The following PLXND1 variants were observed in gnomAD, a reference collection of about 807,000 sequenced individuals.
The protein encoded by PLXND1 is plexin-D1.
PLXND1 carries 54 observed loss-of-function variants against 197.7 expected under a neutral mutation model. That is an observed-to-expected ratio of 0.27 (90% CI 0.22 to 0.34). PLXND1 has a LOEUF of 0.34. PLXND1 is among the 10% of genes least tolerant of loss of function. The probability of loss-of-function intolerance (pLI) is 1.00; values close to 1 mark genes in which losing one functional copy is unlikely to be tolerated. For synonymous variants in PLXND1, 1,180 were observed against 1,161.2 expected (o/e 1.02, Z -0.33); for missense variants, 2,127 against 2,699.2 (o/e 0.79, Z 4.70).
intron 19 of PLXND1, 191 bp downstream of exon 19, chr3:129,570,595 G>A: frequency 1.6e-6 from 1 of 621,954 alleles, no homozygotes; most frequent in South Asian, 1.9e-5. Flanking sequence ...CTGACCTCAA[G>A]CAAGTCACTA....
chr3:129,575,380 G>C, intron 11 of PLXND1, 89 bp downstream of exon 11: 1 of 789,306 alleles, frequency 1.3e-6, no homozygotes, highest in Non-Finnish European at 2.2e-6. Context: ...TGCGGCTTTG[G>C]GGCAACCACT....
rs533940233 is a variant in PLXND1 at position 129,596,553 on chromosome 3, C to A, written c.1312-7026G>T. Among the ~76,000 whole-genome samples the A allele has an allele frequency of 5.3e-5, 8 of 152,296 alleles. No homozygotes were observed. In the South Asian group the frequency reaches 6.2e-4, roughly 12 times the overall value. ...GCCCAGGGAAAAGGCTTCCCTCCCC[C>A]CAGCAGGAGGGGCAGAGCACGAAGC... On this transcript the variant is annotated intron_variant, in intron 1 of 35. Coordinates refer to ENST00000324093, the MANE Select transcript of PLXND1 (RefSeq NM_015103.3).
At chr3:129,604,927 C>A (rs1196627525) in intron 1 of PLXND1, among the ~76,000 whole-genome samples, 1 of 152,252 alleles carries the variant, frequency 6.6e-6, no homozygotes, top group African/African-American at 2.4e-5. Context: ...GTAACTCTGA[C>A]AGGCTCACGC....
chr3:129,594,192 A>G (rs570115043), intron 1 of PLXND1, among the ~76,000 whole-genome samples: 16 of 152,218 alleles, frequency 1.1e-4, no homozygotes, highest in South Asian at 2.1e-4. Context: ...GAGGCTTTGC[A>G]CTTGAGAAGT....
chr3:129,594,435 A>C (rs191595505), intron 1 of PLXND1, among the ~76,000 whole-genome samples: 1 of 152,230 alleles, frequency 6.6e-6, no homozygotes, highest in Non-Finnish European at 1.5e-5. Flanking sequence ...AGTGAGCTAT[A>C]ATTTCACCAC....
rs2285357 is a variant in PLXND1 at position 129,557,029 on chromosome 3, C to A, written c.5586+54G>T. 5 of 1,592,384 alleles carry A rather than the reference C, an allele frequency of 3.1e-6. No homozygotes were observed. In the African/African-American group the frequency reaches 4.0e-5, roughly 13 times the overall value. On this transcript the variant is annotated intron_variant, in intron 34 of 35. Transcript: ENST00000324093. This position sits in a 1 kb window ranked among gnomAD's most constrained non-coding sequence, Gnocchi z 4.8. ...GGAGGCATTGAGGCCCAGCCCCCGA[C>A]CCCCGATCCCTCAGCTCTTCAGGCC... is the stretch of plus-strand genomic sequence containing the variant.
In PLXND1 at chr3:129,565,522, G is replaced by A; in HGVS notation, c.4339C>T (p.Leu1447=). 6.2e-7 allele frequency: 1 copy of A among 1,613,416 alleles called. No individual in the cohort carries two copies. Among genetic ancestry groups the A allele is most frequent in the Non-Finnish European group, 8.5e-7 (1 of 1,179,754 alleles). Residue 1447 remains leucine (L), a synonymous_variant, in exon 25 of 36, where the codon CTG becomes TTG. Coordinates refer to ENST00000324093, the MANE Select transcript of PLXND1 (RefSeq NM_015103.3). ...AVRDRCSLAS[L]LTIALHGKLE... is the part of the protein sequence containing the mutation. ...TTGCCGTGCAGCGCGATGGTCAGCAGCGAGGCCAGGCTGCACCTGTGAGCG... is the reference window on the plus strand; with the variant it reads ...TTGCCGTGCAGCGCGATGGTCAGCAACGAGGCCAGGCTGCACCTGTGAGCG...
At chr3:129,573,183 G>A (rs909583190) in intron 13 of PLXND1, among the ~76,000 whole-genome samples, 1 of 152,084 alleles carries the variant, frequency 6.6e-6, no homozygotes, top group Non-Finnish European at 1.5e-5. Flanking sequence ...CCTGATGCAC[G>A]GCCTCCCAAA....
At chr3:129,599,361 G>A (rs1444454984) in intron 1 of PLXND1, among the ~76,000 whole-genome samples, 1 of 152,234 alleles carries the variant, frequency 6.6e-6, no homozygotes, top group Non-Finnish European at 1.5e-5. Context: ...CTCCAAGAAC[G>A]GATGGGACTT....
chr3:129,583,696 C>T lies in PLXND1; in HGVS notation c.2139-27G>A, dbSNP rs755220136. 1.3e-5 allele frequency: 20 copies of T among 1,484,542 alleles called. No homozygotes were observed. In the Admixed American group the frequency reaches 3.5e-4, roughly 26 times the overall value. 92.0% of individuals were successfully genotyped at this position (1,484,542 alleles called of 1,614,324 possible). A position where few individuals can be genotyped will look rare whatever the true frequency, so the allele number is the denominator to read the frequency against. On this transcript the variant is annotated intron_variant, in intron 7 of 35. Transcript: ENST00000324093. ...TGGAAGACAAGGAGGCCCCTCAACT[C>T]CTGGTTCCCCACCCCTCAACTCATC...
chr3:129,582,030 G>C (rs1383379924), intron 8 of PLXND1, among the ~76,000 whole-genome samples: 1 of 152,250 alleles, frequency 6.6e-6, no homozygotes, highest in Non-Finnish European at 1.5e-5. Context: ...TGGAATCTGG[G>C]GGTCCAGGAG....
At chr3:129,568,528 G>A (rs1010619415) in intron 20 of PLXND1, among the ~76,000 whole-genome samples, 1 of 152,066 alleles carries the variant, frequency 6.6e-6, no homozygotes, top group Admixed American at 6.5e-5. Flanking sequence ...GTGATTTAAA[G>A]TGTATACTTC....
In PLXND1 at chr3:129,557,337, G is replaced by A. The variant is rs2084989451; in HGVS notation, c.5446-114C>T. 3.2e-5 allele frequency: 37 copies of A among 1,152,268 alleles called. No individual in the cohort carries two copies. Among genetic ancestry groups the A allele is most frequent in the Non-Finnish European group, 4.1e-5 (33 of 801,262 alleles). 71.4% of individuals were successfully genotyped at this position (1,152,268 alleles called of 1,614,324 possible). ...ACATAAGTGACCTTAGCAGGCCCCC[G>A]AGGCCCAAAGAGTCTCACCCGGTCA... On this transcript the variant is annotated intron_variant, in intron 33 of 35. Coordinates refer to ENST00000324093, the MANE Select transcript of PLXND1 (RefSeq NM_015103.3). This position sits in a 1 kb window ranked among gnomAD's most constrained non-coding sequence, Gnocchi z 4.8.
intron 1 of PLXND1, among the ~76,000 whole-genome samples, chr3:129,593,365 C>G (rs1280830594): frequency 6.6e-6 from 1 of 152,236 alleles, no homozygotes; most frequent in African/African-American, 2.4e-5. Flanking sequence ...GTAAATGTCC[C>G]TTCAGCAGCC....
Position 129,558,635 on chromosome 3 carries a change from C to G in PLXND1, c.5298-60G>C. On this transcript the variant is annotated intron_variant, in intron 32 of 35. Transcript: ENST00000324093. The surrounding 1 kb of genome is among the most constrained non-coding windows in gnomAD (Gnocchi z 4.1). ...GGTGGGGTAGGAAGCAGTCGAGGGA[C>G]AGTTGTGGAGGAGAGAGCTGGCTTT... 2 of 1,542,526 alleles carry G rather than the reference C, an allele frequency of 1.3e-6. No individual in the cohort carries two copies. The highest frequency in any genetic ancestry group is 1.2e-5 in the South Asian group (1 of 86,692).
At position 129,556,621 on chromosome 3, in the gene PLXND1, G is replaced by A. The variant is rs375183136; in HGVS notation, c.5657C>T (p.Pro1886Leu). The A allele has an allele frequency of 6.6e-5, 106 of 1,610,900 alleles. No homozygotes were observed. Among genetic ancestry groups the A allele is most frequent in the Middle Eastern group, 1.6e-4 (1 of 6,070 alleles). Reference protein sequence around the residue: ...EIYKYAKRYRPQIMAALEANP... With the variant: ...EIYKYAKRYRLQIMAALEANP... ...GCCTCACCCTGGGGCACTCACCTGC[G>A]GCCGATACCTCTTGGCGTACTTATA... The change falls in exon 35 of 36, where the codon CCG becomes CTG. Residue 1886 changes from proline (P) to leucine (L), a missense_variant. Physicochemically the swap from Pro to Leu is moderately conservative, Grantham distance 98. Around this residue, in one of 6 missense-constraint regions of PLXND1, gnomAD observed 200 missense variants for 303.3 expected, o/e 0.66. Coordinates refer to ENST00000324093, the MANE Select transcript of PLXND1 (RefSeq NM_015103.3).
chr3:129,586,816 C>A, intron 2 of PLXND1, 97 bp from the exon 3 acceptor site: 1 of 1,411,024 alleles, frequency 7.1e-7, no homozygotes, highest in Non-Finnish European at 9.7e-7. Context: ...TCTGCCTCCC[C>A]ATCCTGTCTT....
At chr3:129,566,717 G>T in intron 22 of PLXND1, 86 bp from the exon 23 acceptor site, 1 of 776,056 alleles carries the variant, frequency 1.3e-6, no homozygotes. Context: ...AGGGGCACTG[G>T]CTTGGGCTGC....
At chr3:129,562,713 T>C (rs2085079242) in intron 27 of PLXND1, 74 bp downstream of exon 27, 2 of 1,377,736 alleles carry the variant, frequency 1.5e-6, no homozygotes, top group African/African-American at 1.4e-5. Flanking sequence ...GTGAAAGGAG[T>C]GTTTCCCGTC....
Sources: allele counts gnomAD v4.1 joint callset (sites outside exome capture counted in the v4.1 genomes callset), GRCh38; gene constraint gnomAD v4.1.1; regional missense constraint gnomAD v4.1.1; non-coding constraint Gnocchi (gnomAD v3.1); transcripts MANE v1.5; gene names NCBI Gene and HGNC (gene_info 2026-07-23, HGNC 2026-07-21).